The following TANC1 variants were observed in gnomAD, a reference collection of about 807,000 sequenced individuals.
TANC1 encodes the protein tetratricopeptide repeat, ankyrin repeat and coiled-coil containing 1.
In TANC1, 77 loss-of-function variants were observed where a neutral mutation model predicts 149.7. The observed-to-expected ratio is 0.51, with a 90% CI of 0.43 to 0.62. The LOEUF (loss-of-function observed/expected upper bound fraction) is 0.62. TANC1 is among the 20% of genes least tolerant of loss of function. The pLI is 0.00. For missense variants in TANC1, 1,985 were observed against 2,321.8 expected, an observed-to-expected ratio of 0.85 and a Z score of 2.98; for synonymous variants, 854 against 925.0, an observed-to-expected ratio of 0.92 and a Z score of 1.39.
At position 159,162,088 on chromosome 2, in the gene TANC1, C is replaced by T. The variant is rs567706363; in HGVS notation, c.683-1195C>T. On this transcript the variant is annotated intron_variant, in intron 7 of 26. Transcript: ENST00000263635. ...ACAGTCAGAATTGTGACAGGATGTC[C>T]TGGGCCACTGCAAGGAAATAGTTTT... Among the ~76,000 whole-genome samples the T allele has an allele frequency of 2.0e-5, 3 of 152,318 alleles. No homozygotes were observed. In the South Asian group the frequency reaches 6.2e-4, roughly 32 times the overall value.
intron 2 of TANC1, among the ~76,000 whole-genome samples, chr2:159,040,693 A>C (rs2040562034): frequency 6.6e-6 from 1 of 152,142 alleles, no homozygotes; most frequent in Admixed American, 6.5e-5. Flanking sequence ...GCTTCCTTGC[A>C]ATGGGTTTGA....
intron 5 of TANC1, among the ~76,000 whole-genome samples, chr2:159,142,643 C>T (rs1268589693): frequency 2.0e-5 from 3 of 151,958 alleles, no homozygotes; most frequent in Non-Finnish European, 4.4e-5. Flanking sequence ...AAGCTGAACT[C>T]GCTACTTTTA....
At chr2:159,215,142 T>G (rs1036596237) in intron 19 of TANC1, among the ~76,000 whole-genome samples, 1 of 152,234 alleles carries the variant, frequency 6.6e-6, no homozygotes, top group Non-Finnish European at 1.5e-5. Flanking sequence ...ATGGTCATCC[T>G]GGACCTAACC....
At chr2:159,168,271 C>T (rs2054811909) in intron 8 of TANC1, among the ~76,000 whole-genome samples, 1 of 150,808 alleles carries the variant, frequency 6.6e-6, no homozygotes, top group Admixed American at 6.6e-5. Flanking sequence ...TGTAATCTAA[C>T]TCGTATGAAT....
At chr2:159,041,638 GA>G (rs2040642591) in intron 2 of TANC1, among the ~76,000 whole-genome samples, 1 of 152,196 alleles carries the variant, frequency 6.6e-6, no homozygotes, top group Non-Finnish European at 1.5e-5. Context: ...AAGACAGTTG[GA>G]AAAGTGCAGT....
chr2:158,992,359 T>C (rs2035715462), intron 1 of TANC1, among the ~76,000 whole-genome samples: 1 of 144,240 alleles, frequency 6.9e-6, no homozygotes, highest in South Asian at 2.6e-4. Context: ...ACTGATACCC[T>C]GTCTCAAAAA....
intron 19 of TANC1, among the ~76,000 whole-genome samples, chr2:159,201,419 T>C (rs1353302421): frequency 6.6e-6 from 1 of 151,728 alleles, no homozygotes; most frequent in Non-Finnish European, 1.5e-5. Flanking sequence ...GCCTTGAGAG[T>C]GAATGGGTCA....
intron 18 of TANC1, 43 bp downstream of exon 18, chr2:159,196,836 T>C (rs1252566393): frequency 1.3e-6 from 2 of 1,554,098 alleles, no homozygotes; most frequent in Non-Finnish European, 1.7e-6. Flanking sequence ...CAAGAAGCTG[T>C]AGCCCAGCAA....
chr2:159,051,651 T>TTGTA lies in TANC1; in HGVS notation c.-15-14242_-15-14241insATGT, dbSNP rs1412892744. On this transcript the variant is annotated intron_variant, in intron 2 of 26. Coordinates refer to ENST00000263635, the MANE Select transcript of TANC1 (RefSeq NM_033394.3). ...ATTCAAAATTTAGTTGAAGTGGTGTTTGTGTGTGTGTGTGTGTGTGTGTGT... is the reference window on the plus strand; with the variant it reads ...ATTCAAAATTTAGTTGAAGTGGTGTTTGTATGTGTGTGTGTGTGTGTGTGTGTGT... Among the ~76,000 whole-genome samples the TTGTA allele has an allele frequency of 5.4e-3, 779 of 142,968 alleles. 5 individuals carry two copies. Among genetic ancestry groups the TTGTA allele is most frequent in the Middle Eastern group, 0.014 (4 of 280 alleles). 93.8% of individuals were successfully genotyped at this position (142,968 alleles called of 152,430 possible). A position where few individuals can be genotyped will look rare whatever the true frequency, so the allele number is the denominator to read the frequency against.
At chr2:159,036,497 C>T (rs376802) in intron 2 of TANC1, among the ~76,000 whole-genome samples, 104,765 of 151,908 alleles carry the variant, frequency 0.69, 36,355 homozygotes, top group Non-Finnish European at 0.73. Flanking sequence ...CTCCTAATGC[C>T]ATCCCTCCCC....
chr2:158,974,589 C>A (rs111957580), intron 1 of TANC1, among the ~76,000 whole-genome samples: 2 of 151,942 alleles, frequency 1.3e-5, no homozygotes, highest in African/African-American at 2.4e-5. Context: ...TGTGCCACCA[C>A]GCCTGGCTAA....
At chr2:159,130,239 T>C (rs937465600) in intron 4 of TANC1, among the ~76,000 whole-genome samples, 1 of 152,206 alleles carries the variant, frequency 6.6e-6, no homozygotes, top group African/African-American at 2.4e-5. Flanking sequence ...TGGAATATCA[T>C]GCTTTCTGGG....
intron 7 of TANC1, among the ~76,000 whole-genome samples, chr2:159,161,586 A>T (rs186602162): frequency 6.6e-6 from 1 of 152,372 alleles, no homozygotes; most frequent in Non-Finnish European, 1.5e-5. Context: ...CACTTCTAGC[A>T]TATAGCAAAC....
intron 19 of TANC1, among the ~76,000 whole-genome samples, chr2:159,199,272 T>A (rs1027819411): frequency 2.0e-5 from 3 of 152,254 alleles, no homozygotes; most frequent in Non-Finnish European, 4.4e-5. Flanking sequence ...TAACTGATTA[T>A]TTTGAATTAG....
At chr2:158,992,669 ATTT>A (rs70994251) in intron 1 of TANC1, among the ~76,000 whole-genome samples, 48 of 112,498 alleles carry the variant, frequency 4.3e-4, no homozygotes, top group East Asian at 1.7e-3. Context: ...TGCCCAGCTA[ATTT>A]TTTTTTTTTT....
chr2:159,005,237 T>C (rs536060526), intron 2 of TANC1, among the ~76,000 whole-genome samples: 1 of 152,336 alleles, frequency 6.6e-6, no homozygotes, highest in East Asian at 1.9e-4. Context: ...GGGGCCAGTT[T>C]ATGGTCAGAT....
At chr2:159,089,239 T>C (rs942137021) in intron 3 of TANC1, among the ~76,000 whole-genome samples, 3 of 152,198 alleles carry the variant, frequency 2.0e-5, no homozygotes, top group African/African-American at 7.2e-5. Context: ...TTACTGGAAA[T>C]TCTTTCCTTT....
At chr2:159,150,648 T>C in intron 7 of TANC1, 92 bp downstream of exon 7, 1 of 993,910 alleles carries the variant, frequency 1.0e-6, no homozygotes, top group Non-Finnish European at 1.5e-6. Context: ...TAGCATGGTC[T>C]GTGAAGGTCA....
intron 19 of TANC1, among the ~76,000 whole-genome samples, chr2:159,217,015 T>C (rs7588862): frequency 0.61 from 93,362 of 151,992 alleles, 29,087 homozygotes; most frequent in African/African-American, 0.69. Flanking sequence ...TCTGAATCTA[T>C]AGTTTAGGCC....
Sources: gnomAD v4.1 joint callset for allele counts (sites outside exome capture counted in the v4.1 genomes callset) on GRCh38, gnomAD v4.1.1 for gene constraint, MANE v1.5 for transcripts, NCBI Gene and HGNC (gene_info 2026-07-23, HGNC 2026-07-21) for gene names.